The following KAT2B variants were observed in gnomAD, a reference collection of about 807,000 sequenced individuals.
KAT2B encodes the protein lysine acetyltransferase 2B.
KAT2B carries 36 observed loss-of-function variants against 105.9 expected under a neutral mutation model. The observed-to-expected ratio is 0.34, with a 90% CI of 0.26 to 0.45. The LOEUF (loss-of-function observed/expected upper bound fraction) is 0.45. Ranked by LOEUF, KAT2B falls within the 20% of genes least tolerant of loss-of-function variation. The probability of loss-of-function intolerance (pLI) is 1.00; values close to 1 mark genes in which losing one functional copy is unlikely to be tolerated. For missense variants in KAT2B, 820 were observed against 1,021.6 expected, an observed-to-expected ratio of 0.80 and a Z score of 2.69; for synonymous variants, 397 against 377.9, an observed-to-expected ratio of 1.05 and a Z score of -0.59.
rs377679644 is a variant in KAT2B at position 20,053,479 on chromosome 3, G to A, written c.303+12699G>A. ...GAGTCCAGGAGGTCGAGGCTGTGGT[G>A]AGCCGTGAGTGTGCTGCTGCACTGT... On this transcript the variant is annotated intron_variant, in intron 1 of 17. Transcript: ENST00000263754. Among the ~76,000 whole-genome samples, 9 of 152,322 alleles carry A rather than the reference G, an allele frequency of 5.9e-5. No homozygotes were observed. In the East Asian group the frequency reaches 1.5e-3, roughly 26 times the overall value.
chr3:20,047,494 GC>G (rs1697834583), intron 1 of KAT2B, among the ~76,000 whole-genome samples: 1 of 151,936 alleles, frequency 6.6e-6, no homozygotes, highest in Non-Finnish European at 1.5e-5. Flanking sequence ...CATAAAACTT[GC>G]CCACTGTAAC....
intron 1 of KAT2B, among the ~76,000 whole-genome samples, chr3:20,062,816 T>C (rs1417234886): frequency 6.6e-6 from 1 of 152,056 alleles, no homozygotes; most frequent in African/African-American, 2.4e-5. Context: ...TATTGACCAT[T>C]TGTATATTTT....
intron 11 of KAT2B, 101 bp downstream of exon 11, chr3:20,127,650 G>C: frequency 8.7e-7 from 1 of 1,152,416 alleles, no homozygotes. Context: ...GTCCAGAGAA[G>C]GTTCAAAGTG....
chr3:20,074,133 C>A (rs549832464), intron 2 of KAT2B, among the ~76,000 whole-genome samples: 4 of 152,188 alleles, frequency 2.6e-5, no homozygotes, highest in Non-Finnish European at 5.9e-5. Flanking sequence ...CAAATCCATG[C>A]CAGAAATTTA....
At chr3:20,112,546 G>C (rs1699140509) in intron 6 of KAT2B, among the ~76,000 whole-genome samples, 1 of 152,222 alleles carries the variant, frequency 6.6e-6, no homozygotes, top group Non-Finnish European at 1.5e-5. Flanking sequence ...GATAGGCCAA[G>C]GGTGCAGTTG....
intron 7 of KAT2B, 65 bp from the exon 8 acceptor site, chr3:20,119,533 T>G: frequency 5.7e-6 from 9 of 1,591,416 alleles, no homozygotes; most frequent in Non-Finnish European, 7.7e-6. Flanking sequence ...CATGTGCACT[T>G]CGTTTCTTGT....
At chr3:20,124,494 C>G (rs1043832326) in intron 9 of KAT2B, among the ~76,000 whole-genome samples, 1 of 152,114 alleles carries the variant, frequency 6.6e-6, no homozygotes, top group Non-Finnish European at 1.5e-5. Context: ...TGAGCAATAA[C>G]TCATTCATCA....
At position 20,136,975 on chromosome 3, in the gene KAT2B, G is replaced by A; in HGVS notation, c.1783G>A (p.Glu595Lys). Residue 595 changes from glutamate to lysine, a missense_variant, in exon 12 of 18, where the codon GAA (glutamate) becomes AAA (lysine). Around this residue, in one of 6 missense-constraint regions of KAT2B, gnomAD observed 227 missense variants for 292.9 expected, o/e 0.77. Transcript: ENST00000263754. ...YGTHLMNHLKEYHIKHDILNF... is the reference protein window; with the variant it reads ...YGTHLMNHLKKYHIKHDILNF... ...AACACACCTGATGAATCATTTGAAA[G>A]AATATCACATAAAGCATGACATCCT... The A allele has an allele frequency of 6.2e-7, 1 of 1,609,068 alleles. No homozygotes were observed. Among genetic ancestry groups the A allele is most frequent in the Non-Finnish European group, 8.5e-7 (1 of 1,175,646 alleles).
chr3:20,127,275 G>A lies in KAT2B; in HGVS notation c.1623-148G>A, dbSNP rs1013473258. ...TCTAAAAAGTTCAGATAAAAGGATG[G>A]TCTAGCGAGATAGGGGCTACATGAA... On this transcript the variant is annotated intron_variant, in intron 10 of 17. Coordinates refer to ENST00000263754, the MANE Select transcript of KAT2B (RefSeq NM_003884.5). 10 of 689,606 alleles carry A rather than the reference G, an allele frequency of 1.5e-5. 1 individual carries two copies. In the Admixed American group the frequency reaches 1.9e-4, roughly 13 times the overall value. 42.7% of individuals were successfully genotyped at this position (689,606 alleles called of 1,614,324 possible). A position where few individuals can be genotyped will look rare whatever the true frequency, so the allele number is the denominator to read the frequency against.
At chr3:20,088,659 A>G (rs1227081094) in intron 2 of KAT2B, among the ~76,000 whole-genome samples, 2 of 152,166 alleles carry the variant, frequency 1.3e-5, no homozygotes, top group African/African-American at 2.4e-5. Context: ...CATCAAATGT[A>G]TGGTGTGAAA....
At chr3:20,120,638 G>A (rs1000625376) in intron 8 of KAT2B, among the ~76,000 whole-genome samples, 2 of 152,148 alleles carry the variant, frequency 1.3e-5, no homozygotes, top group African/African-American at 4.8e-5. Context: ...TAACTGCAAA[G>A]TCACATAGCA....
At chr3:20,132,800 C>A (rs1279159755) in intron 11 of KAT2B, among the ~76,000 whole-genome samples, 1 of 152,138 alleles carries the variant, frequency 6.6e-6, no homozygotes, top group African/African-American at 2.4e-5. Flanking sequence ...TACCAAAGAA[C>A]CATTGTTGTT....
chr3:20,122,142 A>G (rs902513102), intron 8 of KAT2B, among the ~76,000 whole-genome samples: 1 of 152,204 alleles, frequency 6.6e-6, no homozygotes, highest in African/African-American at 2.4e-5. Flanking sequence ...AAATATCAGT[A>G]AGGCTCTTAC....
chr3:20,124,659 A>C (rs1699367864), intron 9 of KAT2B, among the ~76,000 whole-genome samples: 1 of 152,202 alleles, frequency 6.6e-6, no homozygotes, highest in Non-Finnish European at 1.5e-5. Flanking sequence ...CACATGTTTG[A>C]AAATATTTTG....
chr3:20,146,663 A>C, intron 14 of KAT2B: 1 of 281,082 alleles, frequency 3.6e-6, no homozygotes. Flanking sequence ...GTTAATATCC[A>C]CCACTTAATG....
At position 20,133,831 on chromosome 3, in the gene KAT2B, G is replaced by A. The variant is rs567797857; in HGVS notation, c.1750-3111G>A. ...TAAACGTATTTGCACGCCGTCAAGT[G>A]CAATATTTCATTTTATGGTAGAGCG... On this transcript the variant is annotated intron_variant, in intron 11 of 17. Coordinates refer to ENST00000263754, the MANE Select transcript of KAT2B (RefSeq NM_003884.5). 1.3e-5 allele frequency among the ~76,000 whole-genome samples: 2 copies of A among 152,278 alleles called. 1 individual carries two copies. Among genetic ancestry groups the A allele is most frequent in the South Asian group, 4.1e-4 (2 of 4,826 alleles).
At chr3:20,101,713 A>G (rs1314104969) in intron 5 of KAT2B, among the ~76,000 whole-genome samples, 1 of 152,240 alleles carries the variant, frequency 6.6e-6, no homozygotes, top group East Asian at 1.9e-4. Context: ...GCACTTGAAA[A>G]TGTGGCTAGT....
At chr3:20,114,621 T>G (rs764259517) in intron 6 of KAT2B, among the ~76,000 whole-genome samples, 1 of 152,210 alleles carries the variant, frequency 6.6e-6, no homozygotes, top group African/African-American at 2.4e-5. Context: ...AATGCATTTC[T>G]ACTGATGTAA....
intron 5 of KAT2B, among the ~76,000 whole-genome samples, chr3:20,109,036 G>C (rs1006410968): frequency 1.3e-5 from 2 of 152,106 alleles, no homozygotes; most frequent in African/African-American, 2.4e-5. Context: ...TGTGTAGTAG[G>C]TTCTACCATC....
Sources: gnomAD v4.1 joint callset for allele counts (sites outside exome capture counted in the v4.1 genomes callset) on GRCh38, gnomAD v4.1.1 for gene constraint, gnomAD v4.1.1 regional missense constraint, MANE v1.5 for transcripts, NCBI Gene and HGNC (gene_info 2026-07-23, HGNC 2026-07-21) for gene names.